NFATC2: variants seen among roughly 807,000 people sequenced by gnomAD.
NFATC2 encodes nuclear factor of activated T-cells, cytoplasmic 2.
A neutral mutation model predicts 87.3 loss-of-function variants in NFATC2; 22 were observed. The ratio of observed to expected loss-of-function variants is 0.25; its 90% CI spans 0.18 to 0.36. The LOEUF (loss-of-function observed/expected upper bound fraction) is 0.36. NFATC2 is among the 10% of genes least tolerant of loss of function. NFATC2 has a pLI of 1.00. For synonymous variants in NFATC2, 565 were observed against 542.2 expected (o/e 1.04, Z -0.58); for missense variants, 1,149 against 1,259.1 (o/e 0.91, Z 1.32).
intron 5 of NFATC2, among the ~76,000 whole-genome samples, chr20:51,458,296 G>A (rs866869973): frequency 2.3e-4 from 35 of 152,166 alleles, no homozygotes; most frequent in African/African-American, 8.0e-4. Flanking sequence ...ATTGTACAAT[G>A]TTTAGCAGCA....
chr20:51,495,535 T>C (rs2075974697), intron 3 of NFATC2, among the ~76,000 whole-genome samples: 3 of 152,158 alleles, frequency 2.0e-5, no homozygotes. Context: ...TACAGACAGA[T>C]CATCTGTCCT....
intron 1 of NFATC2, among the ~76,000 whole-genome samples, chr20:51,553,765 G>A (rs1211313083): frequency 5.3e-5 from 8 of 151,544 alleles, no homozygotes; most frequent in Admixed American, 6.6e-5. Flanking sequence ...AACAGGAGAT[G>A]CCGCCATCCC....
chr20:51,521,750 G>C lies in NFATC2; in HGVS notation c.1160+1331C>G, dbSNP rs565878358. 8.3e-4 allele frequency among the ~76,000 whole-genome samples: 127 copies of C among 152,314 alleles called. 1 individual carries two copies. The highest frequency in any genetic ancestry group is 2.8e-3 in the African/African-American group (117 of 41,558). On this transcript the variant is annotated intron_variant, in intron 2 of 10. Coordinates refer to ENST00000371564, the MANE Select transcript of NFATC2 (RefSeq NM_012340.5). ...ATTCCTCATGTAGGAGAACAGATAG[G>C]ATAATCTCTGGCCTTAGCCCTCATG...
chr20:51,454,063 A>G (rs1986123347), intron 6 of NFATC2, among the ~76,000 whole-genome samples: 2 of 152,206 alleles, frequency 1.3e-5, no homozygotes. Context: ...TAATTACGTG[A>G]CATGTATTAG....
At chr20:51,522,940 C>A (rs946555309) in intron 2 of NFATC2, 141 bp downstream of exon 2, 16 of 1,196,384 alleles carry the variant, frequency 1.3e-5, no homozygotes, top group Non-Finnish European at 1.9e-5. Flanking sequence ...CTCAGGGTCT[C>A]GCAACCAGCA....
At chr20:51,419,769 G>T (rs6021192) in intron 9 of NFATC2, among the ~76,000 whole-genome samples, 7,334 of 152,148 alleles carry the variant, frequency 0.048, 579 homozygotes, top group African/African-American at 0.16. Context: ...GCTGGCATTC[G>T]AGAGGGATTT....
chr20:51,446,980 G>C (rs1985149652), intron 6 of NFATC2, among the ~76,000 whole-genome samples: 1 of 152,090 alleles, frequency 6.6e-6, no homozygotes, highest in Admixed American at 6.6e-5. Flanking sequence ...CATCACGCCG[G>C]GTACAACCAA....
intron 6 of NFATC2, among the ~76,000 whole-genome samples, chr20:51,441,906 C>T (rs1370093253): frequency 1.3e-5 from 2 of 152,076 alleles, no homozygotes; most frequent in African/African-American, 4.8e-5. Context: ...AATTGAAGGG[C>T]CATCCTGACC....
At chr20:51,496,931 G>A (rs73128902) in intron 3 of NFATC2, among the ~76,000 whole-genome samples, 14,052 of 152,246 alleles carry the variant, frequency 0.092, 802 homozygotes, top group South Asian at 0.17. Flanking sequence ...GGGCATTGCT[G>A]CCTATCCTGG....
At chr20:51,435,419 T>A (rs1430278644) in intron 7 of NFATC2, 105 bp from the exon 8 acceptor site, 6 of 1,498,962 alleles carry the variant, frequency 4.0e-6, no homozygotes, top group Non-Finnish European at 5.4e-6. Context: ...TGTTTTGATG[T>A]GCCTTTCATC....
rs3830840 is a variant in NFATC2, at chr20:51,391,469, AG to A, written c.*45-19del. On this transcript the variant is annotated intron_variant, in intron 10 of 10. Transcript: ENST00000371564. ...TTCATTAACTACAAAAGAAAAGAGG[AG>A]GGGGGGGGAGAGAGAATGGGGCAAG... 5,933 of 1,078,352 alleles carry A rather than the reference AG, an allele frequency of 5.5e-3. 136 individuals are homozygous for A. Among genetic ancestry groups the A allele is most frequent in the African/African-American group, 0.042 (2,400 of 57,590 alleles). The allele number at this position is 1,078,352 out of a possible 1,614,324, so 66.8% of individuals were successfully genotyped here.
intron 3 of NFATC2, among the ~76,000 whole-genome samples, chr20:51,500,112 T>C (rs1029945098): frequency 1.3e-5 from 2 of 152,100 alleles, no homozygotes; most frequent in African/African-American, 4.8e-5. Context: ...CAGTATGAGA[T>C]TGAATGAGAC....
At chr20:51,445,844 G>A (rs1044929916) in intron 6 of NFATC2, among the ~76,000 whole-genome samples, 2 of 152,220 alleles carry the variant, frequency 1.3e-5, no homozygotes, top group African/African-American at 4.8e-5. Flanking sequence ...CTGAGTGAGT[G>A]GAGCAAGCCT....
chr20:51,422,628 G>A (rs1981125236), intron 9 of NFATC2, among the ~76,000 whole-genome samples: 1 of 145,696 alleles, frequency 6.9e-6, no homozygotes, highest in South Asian at 2.2e-4. Flanking sequence ...CTAAAACAAA[G>A]TTGAACTGGT....
chr20:51,420,555 T>C (rs1280191500), intron 9 of NFATC2, among the ~76,000 whole-genome samples: 2 of 152,028 alleles, frequency 1.3e-5, no homozygotes, highest in Non-Finnish European at 1.5e-5. Flanking sequence ...ATAATACTAA[T>C]GATGAAACCA....
chr20:51,450,625 C>G (rs1195093353), intron 6 of NFATC2, among the ~76,000 whole-genome samples: 1 of 152,150 alleles, frequency 6.6e-6, no homozygotes, highest in African/African-American at 2.4e-5. Context: ...AGCTGAGGCC[C>G]AAAGAGGTTG....
In NFATC2 at chr20:51,480,298, G is replaced by T. The variant is rs867659390; in HGVS notation, c.1333-4638C>A. 1.8e-4 allele frequency among the ~76,000 whole-genome samples: 18 copies of T among 97,624 alleles called. No homozygotes were observed. The highest frequency in any genetic ancestry group is 4.3e-4 in the East Asian group (2 of 4,698). The allele number at this position is 97,624 out of a possible 152,430, so 64.0% of individuals were successfully genotyped here. A position where few individuals can be genotyped will look rare whatever the true frequency, so the allele number is the denominator to read the frequency against. On this transcript the variant is annotated intron_variant, in intron 3 of 10. Transcript: ENST00000371564. This position sits in a 1 kb window ranked among gnomAD's most constrained non-coding sequence, Gnocchi z 4.2. ...GCAAGACTCTGTCTCAAAAAAAATA[G>T]AATGTGCTTCCTGCCGCACAGGAGA...
At chr20:51,535,875 C>T (rs748301464) in intron 1 of NFATC2, among the ~76,000 whole-genome samples, 2 of 152,200 alleles carry the variant, frequency 1.3e-5, no homozygotes, top group Non-Finnish European at 2.9e-5. Flanking sequence ...TGAAGAAATG[C>T]TCTTTTTCCA....
intron 1 of NFATC2, among the ~76,000 whole-genome samples, chr20:51,526,808 AG>A (rs1249990530): frequency 1.3e-5 from 2 of 152,104 alleles, no homozygotes; most frequent in African/African-American, 4.8e-5. Flanking sequence ...GACCCCCGCC[AG>A]GCAGCCTGGC....
Sources: allele counts gnomAD v4.1 joint callset (sites outside exome capture counted in the v4.1 genomes callset), GRCh38; gene constraint gnomAD v4.1.1; non-coding constraint Gnocchi (gnomAD v3.1); transcripts MANE v1.5; gene names NCBI Gene and HGNC (gene_info 2026-07-23, HGNC 2026-07-21).